Variants in STK3 observed in about 807,000 individuals in gnomAD.
The protein encoded by STK3 is serine/threonine-protein kinase 3.
Under a neutral mutation model 58.0 loss-of-function variants are expected in STK3, and 41 were observed. That is an observed-to-expected ratio of 0.71 (90% CI 0.55 to 0.92). The LOEUF (loss-of-function observed/expected upper bound fraction) is 0.92, where lower values mean the gene tolerates loss of function less well. Ranked by LOEUF, STK3 falls within the 40% of genes least tolerant of loss-of-function variation. The pLI is 0.00. For missense variants in STK3, 479 were observed against 602.7 expected (o/e 0.79, Z 2.15); for synonymous variants, 170 against 191.0 (o/e 0.89, Z 0.91).
chr8:98,889,685 A>G (rs1381634479), intron 1 of STK3: 2 of 152,200 alleles, frequency 1.3e-5, no homozygotes, highest in Admixed American at 1.3e-4. Flanking sequence ...AATGCATTAT[A>G]CTTCATTTAG....
At chr8:98,919,331 G>C (rs1839462290) in intron 1 of STK3, among the ~76,000 whole-genome samples, 1 of 152,226 alleles carries the variant, frequency 6.6e-6, no homozygotes, top group African/African-American at 2.4e-5. Context: ...AAATCAGTGT[G>C]TTGTCTTAGT....
At chr8:98,376,724 G>A (rs7830048) in intron 2 of STK3, among the ~76,000 whole-genome samples, 136,950 of 152,262 alleles carry the variant, frequency 0.9, 61,745 homozygotes, top group Middle Eastern at 0.94. Flanking sequence ...AATGGAAAAC[G>A]TATGTTTATA....
In STK3 at chr8:98,547,978, T is replaced by C. The variant is rs778211075; in HGVS notation, c.1132A>G (p.Thr378Ala). 10 of 1,587,434 alleles carry C rather than the reference T, an allele frequency of 6.3e-6. No homozygotes were observed. The highest frequency in any genetic ancestry group is 5.8e-5 in the South Asian group (5 of 85,902). Residue 378 changes from threonine to alanine, a missense_variant, in exon 9 of 11, where the codon ACT becomes GCT. Thr to Ala is a moderately conservative substitution (Grantham distance 58). Transcript: ENST00000419617. ...TAAAAAAGCCACATACTTTTCATAGTTCCATCTTCTTCTTCCTCATCCTCA... is the reference window on the plus strand; with the variant it reads ...TAAAAAAGCCACATACTTTTCATAGCTCCATCTTCTTCTTCCTCATCCTCA... ...NSEDEEEEDG[T>A]MKRNATSPQV... is the part of the protein sequence containing the mutation.
At chr8:98,387,873 C>CTTT (rs548274056) in intron 1 of STK3, among the ~76,000 whole-genome samples, 4 of 135,036 alleles carry the variant, frequency 3.0e-5, no homozygotes, top group African/African-American at 5.8e-5. Context: ...GTAAAATGCC[C>CTTT]TTTTTTTTTT....
chr8:98,458,144 C>T (rs960590221), intron 10 of STK3, among the ~76,000 whole-genome samples: 1 of 151,940 alleles, frequency 6.6e-6, no homozygotes, highest in African/African-American at 2.4e-5. Context: ...CATGTGCACA[C>T]ACACATGTAT....
intron 3 of STK3, among the ~76,000 whole-genome samples, chr8:98,871,399 T>C (rs1414334128): frequency 6.6e-6 from 1 of 152,230 alleles, no homozygotes; most frequent in South Asian, 2.1e-4. Context: ...GGTAGCTTGA[T>C]GGGGATGGCG....
intron 10 of STK3, among the ~76,000 whole-genome samples, chr8:98,493,663 A>G (rs1391260622): frequency 6.6e-6 from 1 of 152,092 alleles, no homozygotes; most frequent in African/African-American, 2.4e-5. Flanking sequence ...TGATGACTTG[A>G]ACTATACCAA....
chr8:98,420,855 G>A (rs1455157717), intron 3 of STK3, among the ~76,000 whole-genome samples: 2 of 152,240 alleles, frequency 1.3e-5, no homozygotes, highest in African/African-American at 4.8e-5. Flanking sequence ...TCAGGCCTTG[G>A]TATATAGCTC....
At chr8:98,590,090 G>A (rs532966134) in intron 7 of STK3, among the ~76,000 whole-genome samples, 3 of 152,332 alleles carry the variant, frequency 2.0e-5, no homozygotes, top group Admixed American at 1.3e-4. Context: ...CTGTAGACCG[G>A]AGCTGTTCCT....
At chr8:98,775,019 ACT>A (rs1831579712) in intron 1 of STK3, among the ~76,000 whole-genome samples, 200 bp from the exon 2 acceptor site, 1 of 152,064 alleles carries the variant, frequency 6.6e-6, no homozygotes, top group Non-Finnish European at 1.5e-5. Context: ...AAAAATAATC[ACT>A]TTTATTAGTT....
At chr8:98,860,145 G>A (rs371276738) in intron 3 of STK3, among the ~76,000 whole-genome samples, 14 of 152,218 alleles carry the variant, frequency 9.2e-5, no homozygotes, top group African/African-American at 1.4e-4. Flanking sequence ...GGGATGTAGC[G>A]GTGAAAAAGA....
At chr8:98,460,784 G>C (rs1315618843) in intron 10 of STK3, among the ~76,000 whole-genome samples, 1 of 152,164 alleles carries the variant, frequency 6.6e-6, no homozygotes, top group Non-Finnish European at 1.5e-5. Context: ...CACCATGTAA[G>C]AAGGTCCAAG....
At chr8:98,568,102 T>C (rs1348030857) in intron 8 of STK3, among the ~76,000 whole-genome samples, 2 of 151,612 alleles carry the variant, frequency 1.3e-5, no homozygotes, top group African/African-American at 2.4e-5. Flanking sequence ...GATAGATAGA[T>C]AGATAGATAG....
intron 10 of STK3, among the ~76,000 whole-genome samples, chr8:98,504,066 G>GC (rs1380423008): frequency 2.0e-5 from 3 of 152,284 alleles, no homozygotes; most frequent in South Asian, 4.1e-4. Flanking sequence ...GAATCTAGGT[G>GC]CCCCTGCATT....
chr8:98,467,040 A>G (rs1460741702), intron 10 of STK3, among the ~76,000 whole-genome samples: 1 of 152,136 alleles, frequency 6.6e-6, no homozygotes, highest in African/African-American at 2.4e-5. Context: ...CTATGCTAAT[A>G]TACCTTCCAA....
chr8:98,684,657 T>A (rs185128374), intron 6 of STK3, among the ~76,000 whole-genome samples: 1 of 152,254 alleles, frequency 6.6e-6, no homozygotes, highest in East Asian at 1.9e-4. Flanking sequence ...TATAACTAAT[T>A]CAGAGATAAC....
intron 1 of STK3, among the ~76,000 whole-genome samples, chr8:98,927,143 G>A (rs1221959781): frequency 6.6e-6 from 1 of 152,210 alleles, no homozygotes; most frequent in African/African-American, 2.4e-5. Flanking sequence ...CCACTTTAGG[G>A]CTACATTAGG....
chr8:98,806,725 C>A (rs1255157861), intron 1 of STK3, among the ~76,000 whole-genome samples: 6 of 152,062 alleles, frequency 3.9e-5, no homozygotes, highest in Non-Finnish European at 7.4e-5. Context: ...CTATGTACTT[C>A]TCTACCTTGA....
downstream of STK3, among the ~76,000 whole-genome samples, chr8:98,451,310 T>C (rs1050224845): frequency 2.6e-5 from 4 of 152,154 alleles, no homozygotes; most frequent in African/African-American, 4.8e-5. Flanking sequence ...TCAGGAACTT[T>C]ACAACCCATA....
Sources: allele counts gnomAD v4.1 joint callset (sites outside exome capture counted in the v4.1 genomes callset), GRCh38; gene constraint gnomAD v4.1.1; transcripts MANE v1.5; gene names NCBI Gene and HGNC (gene_info 2026-07-23, HGNC 2026-07-21).